Variants in SYT16 observed in about 807,000 individuals in gnomAD.
SYT16 encodes synaptotagmin 16.
SYT16 carries 42 observed loss-of-function variants against 61.4 expected under a neutral mutation model. The ratio of observed to expected loss-of-function variants is 0.68; its 90% CI spans 0.53 to 0.89. SYT16 has a LOEUF of 0.89. Ranked by LOEUF, SYT16 falls within the 40% of genes least tolerant of loss-of-function variation. The probability of loss-of-function intolerance (pLI) is 0.00; values close to 1 mark genes in which losing one functional copy is unlikely to be tolerated. For missense variants in SYT16, 804 were observed against 807.3 expected (o/e 1.00, Z 0.05); for synonymous variants, 314 against 302.3 (o/e 1.04, Z -0.40).
At chr14:62,069,058 C>T (rs181232534) in intron 3 of SYT16, among the ~76,000 whole-genome samples, 33 of 152,198 alleles carry the variant, frequency 2.2e-4, no homozygotes, top group Admixed American at 1.8e-3. Flanking sequence ...GGCCTCCCAA[C>T]GTGCTGGGAT....
intron 1 of SYT16, among the ~76,000 whole-genome samples, chr14:61,834,428 CTTTTTTTTTTT>C (rs35260303): frequency 2.6e-5 from 2 of 76,850 alleles, no homozygotes; most frequent in Non-Finnish European, 2.3e-5. Flanking sequence ...CCGTGCCTGG[CTTTTTTTTTTT>C]TTTTTTTTTT....
At chr14:61,988,980 C>T (rs10873144) in intron 2 of SYT16, among the ~76,000 whole-genome samples, 109,806 of 151,948 alleles carry the variant, frequency 0.72, 39,839 homozygotes, top group Admixed American at 0.8. Flanking sequence ...ACCTGTATTA[C>T]ACATATAAAC....
At chr14:61,826,020 T>G (rs906307622) in intron 1 of SYT16, among the ~76,000 whole-genome samples, 2 of 152,252 alleles carry the variant, frequency 1.3e-5, no homozygotes, top group African/African-American at 4.8e-5. Flanking sequence ...TTTATTTTTG[T>G]GCATTGGTAT....
chr14:62,096,569 A>G (rs2141013932), intron 7 of SYT16, among the ~76,000 whole-genome samples: 2 of 152,290 alleles, frequency 1.3e-5, no homozygotes, highest in African/African-American at 4.8e-5. Flanking sequence ...TAAAAAATTA[A>G]TGGTAAATTA....
At chr14:61,974,397 T>C (rs2051695559) in intron 2 of SYT16, among the ~76,000 whole-genome samples, 3 of 152,178 alleles carry the variant, frequency 2.0e-5, no homozygotes, top group Non-Finnish European at 2.9e-5. Flanking sequence ...TTAGTGATGA[T>C]GTGCTGTTGC....
intron 1 of SYT16, among the ~76,000 whole-genome samples, chr14:61,918,442 G>T (rs923012720): frequency 2.0e-5 from 3 of 152,090 alleles, no homozygotes; most frequent in Non-Finnish European, 2.9e-5. Flanking sequence ...AAATACAGAA[G>T]ATGGGGGATA....
intron 1 of SYT16, among the ~76,000 whole-genome samples, chr14:61,936,707 A>G (rs2049997090): frequency 6.6e-6 from 1 of 151,756 alleles, no homozygotes; most frequent in Middle Eastern, 3.4e-3. Flanking sequence ...CCTCCGTTCT[A>G]TGTCTGCCTC....
At chr14:61,939,727 G>C (rs2050135181) in intron 1 of SYT16, among the ~76,000 whole-genome samples, 1 of 152,124 alleles carries the variant, frequency 6.6e-6, no homozygotes, top group African/African-American at 2.4e-5. Context: ...ATTTCAATCT[G>C]TGAATTTTAT....
At chr14:62,048,377 A>G (rs1020676290) in intron 3 of SYT16, among the ~76,000 whole-genome samples, 13 of 150,674 alleles carry the variant, frequency 8.6e-5, no homozygotes, top group African/African-American at 2.9e-4. Flanking sequence ...TTTTTTCTTT[A>G]TTAGTCTTGC....
chr14:61,889,767 T>G (rs966231000), intron 1 of SYT16, among the ~76,000 whole-genome samples: 6 of 152,000 alleles, frequency 3.9e-5, no homozygotes, highest in Non-Finnish European at 8.8e-5. Context: ...TCATGAACCT[T>G]CCAGCTTGCA....
intron 1 of SYT16, among the ~76,000 whole-genome samples, chr14:61,914,773 A>T (rs2049056572): frequency 6.6e-6 from 1 of 152,300 alleles, no homozygotes; most frequent in South Asian, 2.1e-4. Flanking sequence ...TGAGCTCCTG[A>T]GGGAGGCTTC....
rs2057490639 is a variant in SYT16, at chr14:62,105,087, C to A, written c.*4380C>A. 1 of 152,162 alleles carries A rather than the reference C, an allele frequency of 6.6e-6. No homozygotes were observed. The highest frequency in any genetic ancestry group is 2.4e-5 in the African/African-American group (1 of 41,436). The allele number at this position is 152,162 out of a possible 1,614,324, so 9.4% of individuals were successfully genotyped here. A position where few individuals can be genotyped will look rare whatever the true frequency, so the allele number is the denominator to read the frequency against. On this transcript the variant is annotated 3_prime_UTR_variant, in exon 8 of 8. Transcript: ENST00000683842. The stretch of plus-strand genomic sequence containing the variant: ...AATAAAGGAGGCTTCATCAGGACAG[C>A]CTAATCAGAGATAAGCCTGGTATGT...
chr14:61,982,281 GT>G (rs1446090744), intron 2 of SYT16, among the ~76,000 whole-genome samples: 1 of 152,016 alleles, frequency 6.6e-6, no homozygotes, highest in East Asian at 1.9e-4. Context: ...GTATTAGTCC[GT>G]TTTCACACTG....
At position 61,932,187 on chromosome 14, in the gene SYT16, G is replaced by A. The variant is rs577745858; in HGVS notation, c.-324-37945G>A. Among the ~76,000 whole-genome samples the A allele has an allele frequency of 2.6e-5, 4 of 152,244 alleles. No individual in the cohort carries two copies. In the South Asian group the frequency reaches 8.3e-4, roughly 32 times the overall value. ...CTCTTACCATCCCTCCAGAGGACTG[G>A]TACCATTGCTCCTCAGAAAAGTCTC... On this transcript the variant is annotated intron_variant, in intron 1 of 7. Transcript: ENST00000683842.
At chr14:61,982,072 A>T (rs1186731053) in intron 2 of SYT16, among the ~76,000 whole-genome samples, 1 of 152,176 alleles carries the variant, frequency 6.6e-6, no homozygotes, top group East Asian at 1.9e-4. Flanking sequence ...GGATATATAT[A>T]TATTTAACAT....
intron 7 of SYT16, among the ~76,000 whole-genome samples, chr14:62,099,575 T>C (rs1014471156): frequency 1.3e-5 from 2 of 152,132 alleles, no homozygotes; most frequent in Non-Finnish European, 2.9e-5. Flanking sequence ...AAGTGTAGTA[T>C]TCAGCTGGAT....
rs200307441 is a variant in SYT16 at position 61,996,381 on chromosome 14, C to T, written c.362C>T (p.Ser121Phe). 1.8e-4 allele frequency: 288 copies of T among 1,613,436 alleles called. 1 individual carries two copies. The highest frequency in any genetic ancestry group is 5.0e-5 in the Non-Finnish European group (59 of 1,179,614). The change falls in exon 3 of 8, where the codon TCC (serine) becomes TTC (phenylalanine). Residue 121 changes from serine to phenylalanine, a missense_variant. By Grantham distance (155) the Ser-to-Phe change is radical. Transcript: ENST00000683842. Reference protein sequence around the residue: ...QHAKDSCSTMSQWPNWASDDR... With the variant: ...QHAKDSCSTMFQWPNWASDDR... ...GCAAAGGACTCATGTTCCACAATGT[C>T]CCAGTGGCCCAATTGGGCCAGTGAT...
intron 1 of SYT16, among the ~76,000 whole-genome samples, chr14:61,941,914 A>G (rs1296803526): frequency 2.0e-5 from 3 of 152,248 alleles, no homozygotes; most frequent in Non-Finnish European, 4.4e-5. Flanking sequence ...ATCCAAAGGT[A>G]GAAGACATTT....
intron 1 of SYT16, among the ~76,000 whole-genome samples, chr14:61,830,407 T>G (rs1206104742): frequency 6.6e-6 from 1 of 152,230 alleles, no homozygotes. Context: ...GGCTGTGGCT[T>G]GAATGTCGAT....
Sources: gnomAD v4.1 joint callset for allele counts (sites outside exome capture counted in the v4.1 genomes callset) on GRCh38, gnomAD v4.1.1 for gene constraint, MANE v1.5 for transcripts, NCBI Gene and HGNC (gene_info 2026-07-23, HGNC 2026-07-21) for gene names.